SNRPN: variants seen among roughly 807,000 people sequenced by gnomAD.
The protein encoded by SNRPN is small nuclear ribonucleoprotein polypeptide N, also known as small nuclear ribonucleoprotein-associated protein N.
SNRPN carries 7 observed loss-of-function variants against 25.2 expected under a neutral mutation model. The ratio of observed to expected loss-of-function variants is 0.28; its 90% CI spans 0.16 to 0.52. SNRPN has a LOEUF of 0.52. Among genes scored for constraint, SNRPN ranks in the 20% least tolerant of loss-of-function variants. SNRPN has a pLI of 0.96. For synonymous variants in SNRPN, 124 were observed against 110.6 expected (o/e 1.12, Z -0.76); for missense variants, 196 against 322.5 (o/e 0.61, Z 3.00).
At chr15:24,898,778 G>T (rs532752407) in intron 2 of SNRPN, among the ~76,000 whole-genome samples, 3 of 152,164 alleles carry the variant, frequency 2.0e-5, no homozygotes, top group African/African-American at 7.2e-5. Context: ...ACCAGGCCGT[G>T]GGGGCGATGA....
intron 2 of SNRPN, 121 bp from the exon 3 acceptor site, chr15:24,967,811 A>G (rs912639942): frequency 2.5e-4 from 109 of 431,334 alleles, no homozygotes; most frequent in Non-Finnish European, 3.6e-4. Flanking sequence ...CTGTCTGGAA[A>G]AAAAAAAAAA....
chr15:24,923,645 A>T (rs987122019), intron 3 of SNRPN, among the ~76,000 whole-genome samples: 1 of 152,212 alleles, frequency 6.6e-6, no homozygotes, highest in Non-Finnish European at 1.5e-5. Flanking sequence ...AATGAACTGT[A>T]TCTACATGTA....
chr15:24,824,214 T>C (rs2049920439), intron 1 of SNRPN, among the ~76,000 whole-genome samples: 1 of 152,074 alleles, frequency 6.6e-6, no homozygotes, highest in African/African-American at 2.4e-5. Context: ...AAAGAAGCTA[T>C]GATAGTTTAA....
At chr15:24,934,370 T>C (rs532711707) in intron 3 of SNRPN, among the ~76,000 whole-genome samples, 1 of 145,312 alleles carries the variant, frequency 6.9e-6, no homozygotes, top group African/African-American at 2.4e-5. Flanking sequence ...AAGATTCAAA[T>C]TTCACGGTCC....
At chr15:24,928,847 A>C (rs552292537) in intron 3 of SNRPN, among the ~76,000 whole-genome samples, 1 of 152,012 alleles carries the variant, frequency 6.6e-6, no homozygotes, top group African/African-American at 2.4e-5. Flanking sequence ...GCCTAAAACA[A>C]TCTTCCTGCC....
intron 2 of SNRPN, among the ~76,000 whole-genome samples, chr15:24,913,270 G>A (rs1055093981): frequency 3.3e-5 from 5 of 152,058 alleles, no homozygotes; most frequent in South Asian, 2.1e-4. Context: ...GCAGTACAAC[G>A]GACTAAGATA....
intron 2 of SNRPN, among the ~76,000 whole-genome samples, chr15:24,918,122 C>T (rs115953429): frequency 2.6e-5 from 4 of 151,774 alleles, no homozygotes; most frequent in Admixed American, 6.6e-5. Context: ...ATAAAAAGTA[C>T]GTATCTGTAT....
At chr15:24,957,778 A>G (rs527696853) in intron 1 of SNRPN, among the ~76,000 whole-genome samples, 2 of 151,908 alleles carry the variant, frequency 1.3e-5, no homozygotes, top group Non-Finnish European at 2.9e-5. Context: ...TCACATACAT[A>G]TATTTCTTGG....
At chr15:24,885,535 A>G (rs933741989) in intron 1 of SNRPN, among the ~76,000 whole-genome samples, 7 of 152,080 alleles carry the variant, frequency 4.6e-5, no homozygotes, top group African/African-American at 1.7e-4. Context: ...TTGTTTGAAT[A>G]ATTTAACCAT....
chr15:24,891,504 C>T (rs1460397359), intron 2 of SNRPN, among the ~76,000 whole-genome samples: 1 of 151,612 alleles, frequency 6.6e-6, no homozygotes, highest in Non-Finnish European at 1.5e-5. Flanking sequence ...ATGGCGCAAT[C>T]TCAGCTCACT....
At chr15:24,957,763 G>C (rs1428359872) in intron 1 of SNRPN, among the ~76,000 whole-genome samples, 1 of 151,982 alleles carries the variant, frequency 6.6e-6, no homozygotes, top group African/African-American at 2.4e-5. Context: ...CATGAAGATA[G>C]CAGTTCACAT....
chr15:24,904,249 A>G (rs1448304439), intron 2 of SNRPN, among the ~76,000 whole-genome samples: 1 of 152,206 alleles, frequency 6.6e-6, no homozygotes, highest in East Asian at 1.9e-4. Flanking sequence ...TTTTAATACC[A>G]CATACTACAG....
intron 2 of SNRPN, among the ~76,000 whole-genome samples, chr15:24,965,387 A>T (rs1353397061): frequency 6.6e-6 from 1 of 152,102 alleles, no homozygotes; most frequent in African/African-American, 2.4e-5. Context: ...AAATAAAAAA[A>T]TCAGCCGGGT....
intron 1 of SNRPN, among the ~76,000 whole-genome samples, chr15:24,859,860 T>TA (rs1404733052): frequency 1.3e-5 from 2 of 152,222 alleles, no homozygotes; most frequent in Admixed American, 1.3e-4. Flanking sequence ...ATGGCATTTG[T>TA]AAACTGTCGT....
At chr15:24,931,055 A>C (rs28504230) in intron 3 of SNRPN, among the ~76,000 whole-genome samples, 1 of 152,128 alleles carries the variant, frequency 6.6e-6, no homozygotes, top group Non-Finnish European at 1.5e-5. Flanking sequence ...GTCTCAAAAA[A>C]CAAAAAAGTG....
At chr15:24,843,951 C>T (rs1248023167) in intron 2 of SNRPN, among the ~76,000 whole-genome samples, 2 of 149,870 alleles carry the variant, frequency 1.3e-5, no homozygotes, top group Non-Finnish European at 3.0e-5. Context: ...CCAGCCTGGG[C>T]GATAGAGCTG....
chr15:24,838,273 G>C (rs1211682392), intron 2 of SNRPN, among the ~76,000 whole-genome samples: 3 of 151,748 alleles, frequency 2.0e-5, no homozygotes, highest in Non-Finnish European at 4.4e-5. Context: ...CTGACCTCGT[G>C]ATCCACCCGC....
rs1468455460 is a variant in SNRPN at position 24,894,447 on chromosome 15, C to T, written c.-505+7858C>T. 2.0e-5 allele frequency among the ~76,000 whole-genome samples: 3 copies of T among 152,212 alleles called. No individual in the cohort carries two copies. In the East Asian group the frequency reaches 5.8e-4, roughly 30 times the overall value. On this transcript the variant is annotated intron_variant, in intron 2 of 11. Transcript: ENST00000400097. ...GTTAGCCAGGATGTGTCTTGATCTC[C>T]TGACCTCGTGATCCGCCCGCCTCGG...
At chr15:24,955,617 G>A (rs1461939307) in intron 1 of SNRPN, among the ~76,000 whole-genome samples, 2 of 148,570 alleles carry the variant, frequency 1.3e-5, no homozygotes, top group African/African-American at 2.5e-5. Flanking sequence ...GGGGGAATTC[G>A]TCGCAGTGAC....
Sources: allele counts gnomAD v4.1 joint callset (sites outside exome capture counted in the v4.1 genomes callset), GRCh38; gene constraint gnomAD v4.1.1; transcripts MANE v1.5; gene names NCBI Gene and HGNC (gene_info 2026-07-23, HGNC 2026-07-21).